The following ZNF611 variants were observed in gnomAD, a reference collection of about 807,000 sequenced individuals.
ZNF611 encodes the protein zinc finger protein 611.
In ZNF611, 6 loss-of-function variants were observed where a neutral mutation model predicts 8.9. The observed-to-expected ratio is 0.68, with a 90% CI of 0.37 to 1.34. ZNF611 has a LOEUF of 1.34. Ranked by LOEUF, ZNF611 falls within the 40% of genes most tolerant of loss-of-function variation. The pLI, the probability that ZNF611 is intolerant of heterozygous loss-of-function variation, is 0.02. For synonymous variants in ZNF611, 262 were observed against 279.7 expected, an observed-to-expected ratio of 0.94 and a Z score of 0.63; for missense variants, 874 against 841.3, an observed-to-expected ratio of 1.04 and a Z score of -0.48.
intron 1 of ZNF611, among the ~76,000 whole-genome samples, chr19:52,730,317 G>A (rs1405888161): frequency 4.7e-5 from 7 of 148,530 alleles, no homozygotes; most frequent in Admixed American, 1.4e-4. Context: ...GCATGAACCC[G>A]GGAGGTGGAG....
At chr19:52,710,805 T>G (rs1450844962) in intron 5 of ZNF611, among the ~76,000 whole-genome samples, 1 of 152,176 alleles carries the variant, frequency 6.6e-6, no homozygotes, top group Non-Finnish European at 1.5e-5. Flanking sequence ...TGAAGCCATC[T>G]AATAGTACTC....
Position 52,722,314 on chromosome 19 carries a change from C to T in ZNF611, c.-19-6401G>A, listed in dbSNP as rs748051546. On this transcript the variant is annotated intron_variant, in intron 3 of 5. Transcript: ENST00000652185. ...GGAGGATCACTTGAGCCTAAGAGGTCGAGGCTGCAGTTAGAGTAGATAACG... is the reference window on the plus strand; with the variant it reads ...GGAGGATCACTTGAGCCTAAGAGGTTGAGGCTGCAGTTAGAGTAGATAACG... 1.6e-4 allele frequency among the ~76,000 whole-genome samples: 24 copies of T among 151,406 alleles called. No individual in the cohort carries two copies. In the South Asian group the frequency reaches 3.2e-3, roughly 20 times the overall value.
chr19:52,705,586 G>A lies in ZNF611; in HGVS notation c.1469C>T (p.Thr490Ile). 1.9e-6 allele frequency: 3 copies of A among 1,613,770 alleles called. No individual in the cohort carries two copies. The highest frequency in any genetic ancestry group is 2.5e-6 in the Non-Finnish European group (3 of 1,179,982). The part of the protein sequence containing the change: ...KPYKCNECGK[T>I]FGQNSDLLIH... ...TAAAAGATCTGAATTTTGACCAAAG[G>A]TCTTCCCACATTCATTACACTTGTA... Residue 490 changes from threonine to isoleucine, a missense_variant, in exon 6 of 6, where the codon ACC becomes ATC. Coordinates refer to ENST00000652185, the MANE Select transcript of ZNF611 (RefSeq NM_001161499.2).
In ZNF611 at chr19:52,705,399, A is replaced by G; in HGVS notation, c.1656T>C (p.Tyr552=). The change falls in exon 6 of 6, where the codon TAT becomes TAC. Residue 552 remains tyrosine (Y), a synonymous_variant. Transcript: ENST00000652185. ...VCDKAFACHS[Y]LAKHTRIHSG... is the part of the protein sequence containing the mutation. Reference sequence around the variant, plus strand: ...TATGAATTCTAGTATGTTTTGCCAGATAGGAATGACACGCAAAAGCCTTGT... The same window carrying G: ...TATGAATTCTAGTATGTTTTGCCAGGTAGGAATGACACGCAAAAGCCTTGT... 6.2e-7 allele frequency: 1 copy of G among 1,613,870 alleles called. No individual in the cohort carries two copies. The highest frequency in any genetic ancestry group is 2.2e-5 in the East Asian group (1 of 44,816).
At chr19:52,725,533 G>A (rs560440503) in intron 3 of ZNF611, among the ~76,000 whole-genome samples, 22 of 152,298 alleles carry the variant, frequency 1.4e-4, no homozygotes, top group African/African-American at 4.6e-4. Flanking sequence ...GACCGGGGAC[G>A]GGACCAGCCT....
At chr19:52,715,377 A>C (rs1164790652) in intron 4 of ZNF611, among the ~76,000 whole-genome samples, 2 of 151,678 alleles carry the variant, frequency 1.3e-5, no homozygotes, top group Non-Finnish European at 2.9e-5. Context: ...ATTGCTTGAA[A>C]CCAGGAGGCA....
At chr19:52,722,648 TATTAG>T (rs1036955366) in intron 3 of ZNF611, among the ~76,000 whole-genome samples, 1 of 152,140 alleles carries the variant, frequency 6.6e-6, no homozygotes, top group Non-Finnish European at 1.5e-5. Context: ...TTAAACAAGT[TATTAG>T]ATTATATACA....
intron 4 of ZNF611, among the ~76,000 whole-genome samples, chr19:52,715,297 G>A (rs372868814): frequency 6.1e-4 from 93 of 151,856 alleles, no homozygotes; most frequent in East Asian, 6.1e-3. Flanking sequence ...TCTACTAAAA[G>A]TACAAAAATT....
Position 52,714,092 on chromosome 19 carries a change from C to T in ZNF611, c.113G>A (p.Trp38Ter), listed in dbSNP as rs770492535. The T allele has an allele frequency of 1.2e-6, 2 of 1,613,968 alleles. No homozygotes were observed. Among genetic ancestry groups the T allele is most frequent in the East Asian group, 2.2e-5 (1 of 44,866 alleles). Residue 38 changes from tryptophan to a stop codon, truncating the protein, a stop_gained, in exon 5 of 6, where the codon TGG becomes TAG. Coordinates refer to ENST00000652185, the MANE Select transcript of ZNF611 (RefSeq NM_001161499.2). LOFTEE classifies it high-confidence loss of function. Reference sequence around the variant, plus strand: ...CCTCTGTGAAGGGTTCAGGCATTTCCACTCTGCCAATGAGAATTCTATAGC... The same window carrying T: ...CCTCTGTGAAGGGTTCAGGCATTTCTACTCTGCCAATGAGAATTCTATAGC... ...DVAIEFSLAE[W>*]KCLNPSQRAL... is the part of the protein sequence containing the mutation.
At chr19:52,721,795 G>A (rs963269008) in intron 3 of ZNF611, among the ~76,000 whole-genome samples, 22 of 151,910 alleles carry the variant, frequency 1.4e-4, no homozygotes, top group Admixed American at 1.0e-3. Context: ...ATGGAGTTTC[G>A]CTCTTGTTGC....
rs2062234325 is a variant in ZNF611 at position 52,705,434 on chromosome 19, T to C, written c.1621A>G (p.Lys541Glu). 1 of 1,614,178 alleles carries C rather than the reference T, an allele frequency of 6.2e-7. No homozygotes were observed. Among genetic ancestry groups the C allele is most frequent in the Non-Finnish European group, 8.5e-7 (1 of 1,180,030 alleles). ...CACGCAAAAGCCTTGTCACAAACCT[T>C]ACATTTGTATGGTTTCTCTCCAGTA... ...GHTGEKPYKC[K>E]VCDKAFACHS... Residue 541 changes from lysine (K) to glutamate (E), a missense_variant, in exon 6 of 6, where the codon AAG (lysine) becomes GAG (glutamate). Coordinates refer to ENST00000652185, the MANE Select transcript of ZNF611 (RefSeq NM_001161499.2).
intron 5 of ZNF611, among the ~76,000 whole-genome samples, chr19:52,713,698 C>G (rs921496088): frequency 6.6e-6 from 1 of 152,014 alleles, no homozygotes; most frequent in Non-Finnish European, 1.5e-5. Flanking sequence ...TAGAGACGAG[C>G]CTGACCAACA....
At chr19:52,715,040 A>G (rs1293390711) in intron 4 of ZNF611, among the ~76,000 whole-genome samples, 4 of 152,140 alleles carry the variant, frequency 2.6e-5, no homozygotes, top group Admixed American at 2.0e-4. Flanking sequence ...AAACAAATAC[A>G]GGGTTTTCTC....
chr19:52,725,689 T>C (rs1251938775), intron 3 of ZNF611, among the ~76,000 whole-genome samples: 1 of 152,142 alleles, frequency 6.6e-6, no homozygotes, highest in African/African-American at 2.4e-5. Context: ...ACCTGGGAAG[T>C]GCAGACTTAA....
intron 3 of ZNF611, among the ~76,000 whole-genome samples, chr19:52,725,851 GGA>G (rs1439085963): frequency 6.6e-6 from 1 of 152,140 alleles, no homozygotes; most frequent in Non-Finnish European, 1.5e-5. Flanking sequence ...GGCGCGAGGC[GGA>G]GAGACCTTGC....
chr19:52,734,421 C>T (rs935389019), intron 1 of ZNF611, among the ~76,000 whole-genome samples: 10 of 152,088 alleles, frequency 6.6e-5, no homozygotes, highest in African/African-American at 2.4e-4. Flanking sequence ...CAAGAATACC[C>T]CGTGCCGCAG....
At chr19:52,721,333 TG>T in intron 3 of ZNF611, 1 of 182,146 alleles carries the variant, frequency 5.5e-6, no homozygotes, top group Non-Finnish European at 1.1e-5. Context: ...GGCAGGCGGC[TG>T]GGAGGTGGAG....
At chr19:52,734,711 T>C (rs1486190684) in intron 1 of ZNF611, among the ~76,000 whole-genome samples, 2 of 152,104 alleles carry the variant, frequency 1.3e-5, no homozygotes, top group South Asian at 4.1e-4. Context: ...GTGAAGACTT[T>C]AAAAAGCGCG....
chr19:52,705,016 C>T lies in ZNF611; in HGVS notation c.2039G>A (p.Cys680Tyr). Residue 680 changes from cysteine (C) to tyrosine (Y), a missense_variant, in exon 6 of 6, where the codon TGT becomes TAT. Physicochemically the swap from Cys to Tyr is radical, Grantham distance 194 (BLOSUM62 -2). Transcript: ENST00000652185. ...ATTAAAAGCCTTCCCACATTCATTA[C>T]ACTTGTAAGGTTTCTCTGCAGTGTG... ...RIHTAEKPYK[C>Y]NECGKAFNQQ... is the part of the protein sequence containing the mutation. The T allele has an allele frequency of 6.2e-7, 1 of 1,614,208 alleles. No homozygotes were observed. The highest frequency in any genetic ancestry group is 2.2e-5 in the East Asian group (1 of 44,882).
Sources: gnomAD v4.1 joint callset for allele counts (sites outside exome capture counted in the v4.1 genomes callset) on GRCh38, gnomAD v4.1.1 for gene constraint, MANE v1.5 for transcripts, NCBI Gene and HGNC (gene_info 2026-07-23, HGNC 2026-07-21) for gene names.